Variants in PCNX1 observed in about 807,000 individuals in gnomAD.
The protein encoded by PCNX1 is pecanex-like protein 1.
In PCNX1, 78 loss-of-function variants were observed where a neutral mutation model predicts 242.2. The observed-to-expected ratio is 0.32, with a 90% CI of 0.27 to 0.39. The LOEUF (loss-of-function observed/expected upper bound fraction) is 0.39. Among genes scored for constraint, PCNX1 ranks in the 10% least tolerant of loss-of-function variants. The pLI is 1.00. For synonymous variants in PCNX1, 1,024 were observed against 1,032.9 expected (o/e 0.99, Z 0.17); for missense variants, 2,581 against 2,856.5 (o/e 0.90, Z 2.20).
rs375703353 is a variant in PCNX1, at chr14:70,956,034, T to A, written c.363-6192T>A. Among the ~76,000 whole-genome samples, 15 of 152,256 alleles carry A rather than the reference T, an allele frequency of 9.9e-5. No individual in the cohort carries two copies. In the East Asian group the frequency reaches 2.7e-3, roughly 27 times the overall value. Reference sequence around the variant, plus strand: ...GCACATGTAGCAATGTCTGGAGCTTTTTTTGGTTGTCACACTGAGGGGCTG... The same window carrying A: ...GCACATGTAGCAATGTCTGGAGCTTATTTTGGTTGTCACACTGAGGGGCTG... On this transcript the variant is annotated intron_variant, in intron 2 of 35. Coordinates refer to ENST00000304743, the MANE Select transcript of PCNX1 (RefSeq NM_014982.3).
intron 1 of PCNX1, among the ~76,000 whole-genome samples, chr14:70,910,226 T>A (rs2055832728): frequency 2.4e-5 from 2 of 82,552 alleles, no homozygotes; most frequent in Non-Finnish European, 5.1e-5. Context: ...CTCCTCCTCC[T>A]CCTCTCACCA....
chr14:71,012,818 C>CAA (rs10557318), intron 10 of PCNX1, 167 bp from the exon 11 acceptor site: 6,755 of 446,982 alleles, frequency 0.015, no homozygotes, highest in South Asian at 0.018. Context: ...GACTCTGTCT[C>CAA]AAAAAAAAAA....
intron 34 of PCNX1, 42 bp from the exon 35 acceptor site, chr14:71,109,410 C>G: frequency 6.5e-7 from 1 of 1,546,896 alleles, no homozygotes; most frequent in South Asian, 1.2e-5. Context: ...TTTTCATCAT[C>G]AAGAAAAAAA....
At chr14:71,065,908 A>G (rs2061434447) in intron 26 of PCNX1, among the ~76,000 whole-genome samples, 1 of 152,198 alleles carries the variant, frequency 6.6e-6, no homozygotes, top group Non-Finnish European at 1.5e-5. Context: ...AGGTTTGTCA[A>G]AGATCAGATG....
At chr14:70,919,245 A>G (rs149563996) in intron 1 of PCNX1, among the ~76,000 whole-genome samples, 248 of 152,322 alleles carry the variant, frequency 1.6e-3, no homozygotes, top group African/African-American at 5.7e-3. Context: ...CCTTGACAGT[A>G]GACAGAATTT....
At chr14:70,919,458 GTC>G (rs1301238900) in intron 1 of PCNX1, among the ~76,000 whole-genome samples, 1 of 152,076 alleles carries the variant, frequency 6.6e-6, no homozygotes, top group Non-Finnish European at 1.5e-5. Context: ...ATTTTCCTGT[GTC>G]TCTTAGGAAA....
intron 30 of PCNX1, among the ~76,000 whole-genome samples, chr14:71,098,010 C>T (rs1197319872): frequency 1.3e-5 from 2 of 152,156 alleles, no homozygotes; most frequent in Non-Finnish European, 2.9e-5. Context: ...TATGGCTAGC[C>T]AGCTACCCTA....
At chr14:71,021,680 C>G (rs1232902589) in intron 12 of PCNX1, among the ~76,000 whole-genome samples, 2 of 152,134 alleles carry the variant, frequency 1.3e-5, no homozygotes, top group African/African-American at 4.8e-5. Context: ...TGCTAAATTG[C>G]TTTTCTTAAG....
chr14:70,915,064 G>A (rs184990908), intron 1 of PCNX1, among the ~76,000 whole-genome samples: 2 of 152,230 alleles, frequency 1.3e-5, no homozygotes, highest in East Asian at 1.9e-4. Context: ...TCAGCATAAC[G>A]TGGTTGAGAT....
chr14:71,045,416 C>A, intron 20 of PCNX1, 133 bp downstream of exon 20: 1 of 651,514 alleles, frequency 1.5e-6, no homozygotes, highest in South Asian at 2.0e-5. Flanking sequence ...AGTTTGAAGC[C>A]GTTAATGAAT....
intron 12 of PCNX1, among the ~76,000 whole-genome samples, chr14:71,019,604 G>A (rs554343877): frequency 6.6e-6 from 1 of 152,170 alleles, no homozygotes; most frequent in African/African-American, 2.4e-5. Context: ...GTTTCACCAT[G>A]TTGGTCAGGC....
At chr14:70,999,046 C>G (rs1670642888) in intron 8 of PCNX1, among the ~76,000 whole-genome samples, 2 of 152,090 alleles carry the variant, frequency 1.3e-5, no homozygotes, top group South Asian at 2.1e-4. Context: ...CTGAATTAAA[C>G]TACAAAAATT....
chr14:70,993,791 A>G (rs189078687), intron 7 of PCNX1, among the ~76,000 whole-genome samples: 5 of 152,296 alleles, frequency 3.3e-5, no homozygotes, highest in Non-Finnish European at 1.5e-5. Context: ...CTACTACTTA[A>G]ACATTTTTTT....
chr14:71,090,795 A>G (rs560588341), intron 30 of PCNX1, among the ~76,000 whole-genome samples: 5 of 152,360 alleles, frequency 3.3e-5, no homozygotes, highest in African/African-American at 4.8e-5. Flanking sequence ...TCTAAATGTT[A>G]TCACAGATAT....
At chr14:71,068,424 A>ATATGTATATATG (rs1209592727) in intron 26 of PCNX1, among the ~76,000 whole-genome samples, 1 of 144,992 alleles carries the variant, frequency 6.9e-6, no homozygotes, top group Non-Finnish European at 1.6e-5. Flanking sequence ...ATTTATATGT[A>ATATGTATATATG]TATGTATATA....
intron 30 of PCNX1, among the ~76,000 whole-genome samples, chr14:71,095,722 C>T (rs1301680342): frequency 1.3e-5 from 2 of 151,982 alleles, no homozygotes; most frequent in Non-Finnish European, 2.9e-5. Flanking sequence ...CTTTCCAAAT[C>T]ACCACATACA....
chr14:71,000,437 C>T (rs1407144603), intron 8 of PCNX1, among the ~76,000 whole-genome samples: 1 of 151,708 alleles, frequency 6.6e-6, no homozygotes, highest in Non-Finnish European at 1.5e-5. Context: ...AGGATCATGT[C>T]GTGACTTTTG....
intron 11 of PCNX1, among the ~76,000 whole-genome samples, chr14:71,017,746 G>T (rs963888127): frequency 2.0e-5 from 3 of 152,186 alleles, no homozygotes; most frequent in African/African-American, 4.8e-5. Context: ...TTGAAAAGAG[G>T]TCATTGGATT....
intron 20 of PCNX1, 105 bp downstream of exon 20, chr14:71,045,388 T>C: frequency 1.2e-6 from 1 of 822,674 alleles, no homozygotes. Context: ...AACATTTGGC[T>C]TGTGTTTCTT....
Sources: gnomAD v4.1 joint callset for allele counts (sites outside exome capture counted in the v4.1 genomes callset) on GRCh38, gnomAD v4.1.1 for gene constraint, MANE v1.5 for transcripts, NCBI Gene and HGNC (gene_info 2026-07-23, HGNC 2026-07-21) for gene names.